The following LRRC4C variants were observed in gnomAD, a reference collection of about 807,000 sequenced individuals.
LRRC4C encodes leucine-rich repeat-containing protein 4C.
A neutral mutation model predicts 33.6 loss-of-function variants in LRRC4C; 5 were observed. The observed-to-expected ratio is 0.15, with a 90% CI of 0.08 to 0.31. The LOEUF (loss-of-function observed/expected upper bound fraction) is 0.31. LRRC4C is among the 10% of genes least tolerant of loss of function. The pLI is 1.00. For missense variants in LRRC4C, 560 were observed against 796.7 expected, an observed-to-expected ratio of 0.70 and a Z score of 3.58; for synonymous variants, 329 against 302.0, an observed-to-expected ratio of 1.09 and a Z score of -0.93.
At chr11:40,438,724 G>C (rs975378527) in intron 3 of LRRC4C, among the ~76,000 whole-genome samples, 7 of 152,016 alleles carry the variant, frequency 4.6e-5, no homozygotes, top group Non-Finnish European at 1.0e-4. Context: ...TGCCTGATTG[G>C]GGGATATTCT....
chr11:40,812,053 A>G (rs181551708), intron 2 of LRRC4C, among the ~76,000 whole-genome samples: 134 of 152,214 alleles, frequency 8.8e-4, no homozygotes, highest in African/African-American at 3.0e-3. Flanking sequence ...CTTCTCTCTA[A>G]TTGCTATTGC....
intron 2 of LRRC4C, among the ~76,000 whole-genome samples, chr11:40,658,284 G>A (rs2136193656): frequency 6.6e-6 from 1 of 152,254 alleles, no homozygotes; most frequent in Non-Finnish European, 1.5e-5. Flanking sequence ...TGACATGAAA[G>A]CTAAAAGAGC....
chr11:41,394,596 C>T (rs1244188750), intron 1 of LRRC4C: 1 of 151,952 alleles, frequency 6.6e-6, no homozygotes, highest in East Asian at 1.9e-4. Context: ...AAAACACCAA[C>T]TTGAAAGATA....
chr11:40,670,070 C>A (rs977443098), intron 2 of LRRC4C, among the ~76,000 whole-genome samples: 1 of 152,148 alleles, frequency 6.6e-6, no homozygotes, highest in Non-Finnish European at 1.5e-5. Flanking sequence ...CATCAAAGAA[C>A]CTCACTCCTG....
At chr11:40,421,443 A>G (rs1290894153) in intron 3 of LRRC4C, among the ~76,000 whole-genome samples, 1 of 152,180 alleles carries the variant, frequency 6.6e-6, no homozygotes, top group Non-Finnish European at 1.5e-5. Context: ...GCAACCTTCC[A>G]TGCTGCATTC....
chr11:41,204,992 GACTT>G (rs1169181064), intron 1 of LRRC4C, among the ~76,000 whole-genome samples: 1 of 152,112 alleles, frequency 6.6e-6, no homozygotes, highest in Non-Finnish European at 1.5e-5. Context: ...TTTGAATAAA[GACTT>G]ACAGTCTAAA....
intron 1 of LRRC4C, among the ~76,000 whole-genome samples, chr11:41,447,824 A>G (rs1249930420): frequency 6.6e-6 from 1 of 152,124 alleles, no homozygotes; most frequent in African/African-American, 2.4e-5. Flanking sequence ...GAAACAGAAG[A>G]AAAAAAATCC....
chr11:40,257,270 CA>C, intron 4 of LRRC4C, among the ~76,000 whole-genome samples: 1 of 149,122 alleles, frequency 6.7e-6, no homozygotes, highest in Admixed American at 6.7e-5. Flanking sequence ...CTAAACAAAA[CA>C]AAATACGAAA....
intron 1 of LRRC4C, among the ~76,000 whole-genome samples, chr11:41,282,354 C>T (rs895713261): frequency 6.6e-6 from 1 of 152,162 alleles, no homozygotes; most frequent in Admixed American, 6.5e-5. Context: ...ATTAAATTTA[C>T]CACCAAGGAA....
intron 1 of LRRC4C, among the ~76,000 whole-genome samples, chr11:40,953,874 T>C (rs547524316): frequency 2.6e-5 from 4 of 152,030 alleles, no homozygotes; most frequent in Admixed American, 6.6e-5. Context: ...TTTTATCTTA[T>C]TTTGTCATTA....
intron 3 of LRRC4C, among the ~76,000 whole-genome samples, chr11:40,632,935 G>T (rs567109740): frequency 6.6e-6 from 1 of 152,270 alleles, no homozygotes; most frequent in Non-Finnish European, 1.5e-5. Context: ...ACTTTAGAAT[G>T]GGAATTTGTT....
At chr11:41,216,793 C>A (rs1947082190) in intron 1 of LRRC4C, among the ~76,000 whole-genome samples, 1 of 152,074 alleles carries the variant, frequency 6.6e-6, no homozygotes, top group Admixed American at 6.6e-5. Flanking sequence ...TGCATGATCT[C>A]CTCTTTCTCA....
chr11:41,421,922 T>C (rs2939755), intron 1 of LRRC4C, among the ~76,000 whole-genome samples: 95,943 of 151,850 alleles, frequency 0.63, 30,905 homozygotes, highest in African/African-American at 0.75. Flanking sequence ...AAGTGGTCCA[T>C]TATGCAGGAG....
At chr11:41,129,860 T>C (rs1942930600) in intron 1 of LRRC4C, among the ~76,000 whole-genome samples, 1 of 151,974 alleles carries the variant, frequency 6.6e-6, no homozygotes, top group African/African-American at 2.4e-5. Flanking sequence ...TAATTGCTCC[T>C]ACATGAACTC....
chr11:41,306,808 C>T (rs1252004514), intron 1 of LRRC4C, among the ~76,000 whole-genome samples: 2 of 152,186 alleles, frequency 1.3e-5, no homozygotes, highest in East Asian at 1.9e-4. Flanking sequence ...TGTAACTTTG[C>T]ATATCATGCA....
chr11:40,563,741 C>T (rs1438619714), intron 3 of LRRC4C, among the ~76,000 whole-genome samples: 2 of 152,088 alleles, frequency 1.3e-5, no homozygotes, highest in African/African-American at 2.4e-5. Flanking sequence ...AATGGGAACA[C>T]CTGGGAAGGA....
chr11:40,711,521 GTCA>G (rs1358197153), intron 2 of LRRC4C, among the ~76,000 whole-genome samples: 1 of 152,130 alleles, frequency 6.6e-6, no homozygotes, highest in African/African-American at 2.4e-5. Flanking sequence ...AGAGGCAGCA[GTCA>G]TCATTTATAA....
intron 3 of LRRC4C, among the ~76,000 whole-genome samples, chr11:40,427,318 A>T (rs1950753528): frequency 6.6e-6 from 1 of 151,738 alleles, no homozygotes; most frequent in Admixed American, 6.6e-5. Context: ...AGCCTGGCCA[A>T]TGTCATGAAA....
chr11:40,427,504 T>C (rs542607023), intron 3 of LRRC4C, among the ~76,000 whole-genome samples: 31 of 150,564 alleles, frequency 2.1e-4, no homozygotes, highest in Middle Eastern at 7.1e-3. Flanking sequence ...TGAAACTCTG[T>C]CTCAAAAAAT....
Sources: allele counts gnomAD v4.1 joint callset (sites outside exome capture counted in the v4.1 genomes callset), GRCh38; gene constraint gnomAD v4.1.1; transcripts MANE v1.5; gene names NCBI Gene and HGNC (gene_info 2026-07-23, HGNC 2026-07-21).